The following TXLNB variants were observed in gnomAD, a reference collection of about 807,000 sequenced individuals.
The protein encoded by TXLNB is beta-taxilin.
TXLNB carries 37 observed loss-of-function variants against 57.4 expected under a neutral mutation model. The observed-to-expected ratio is 0.64, with a 90% confidence interval of 0.50 to 0.85. TXLNB has a LOEUF of 0.85. TXLNB is among the 40% of genes least tolerant of loss of function. TXLNB has a pLI of 0.00. For missense variants in TXLNB, 848 were observed against 825.6 expected (o/e 1.03, Z -0.33); for synonymous variants, 302 against 309.6 (o/e 0.98, Z 0.26).
chr6:139,288,956 G>T (rs1049079109), intron 1 of TXLNB, 43 bp from the exon 2 acceptor site: 5 of 1,411,562 alleles, frequency 3.5e-6, no homozygotes, highest in African/African-American at 2.8e-5. Flanking sequence ...TAACCTACTT[G>T]CTACATATCA....
At chr6:139,262,832 A>T (rs1397339213) in intron 4 of TXLNB, 59 bp from the exon 5 acceptor site, 1 of 1,554,850 alleles carries the variant, frequency 6.4e-7, no homozygotes, top group Non-Finnish European at 8.7e-7. Flanking sequence ...AGAACTCAGC[A>T]TTAGGTCACC....
chr6:139,256,574 C>T (rs1776346940), intron 6 of TXLNB, among the ~76,000 whole-genome samples: 5 of 152,226 alleles, frequency 3.3e-5, no homozygotes, highest in African/African-American at 7.2e-5. Context: ...GTGATCTGCC[C>T]GCCTCGGCCT....
At position 139,276,849 on chromosome 6, in the gene TXLNB, A is replaced by C; in HGVS notation, c.497T>G (p.Phe166Cys). The change falls in exon 3 of 10, where the codon TTC (phenylalanine) becomes TGC (cysteine). Residue 166 changes from phenylalanine to cysteine, a missense_variant. By Grantham distance (205) the Phe-to-Cys change is radical. Transcript: ENST00000358430. ...TCTTACCAATTCAGCATACTTCTTG[A>C]ATAAAAAATCAAACTTTTCTTCCGG... ...QTPEEKFDFL[F>C]KKYAELLDEH... 1 of 1,607,624 alleles carries C rather than the reference A, an allele frequency of 6.2e-7. No homozygotes were observed. Among genetic ancestry groups the C allele is most frequent in the Non-Finnish European group, 8.5e-7 (1 of 1,178,162 alleles).
At chr6:139,263,535 G>A (rs545946224) in intron 4 of TXLNB, among the ~76,000 whole-genome samples, 8 of 151,938 alleles carry the variant, frequency 5.3e-5, no homozygotes, top group Non-Finnish European at 5.9e-5. Flanking sequence ...TCCTTCTTCC[G>A]CTTTGTTAAC....
chr6:139,187,320 T>G, the TXLNB span, among the ~76,000 whole-genome samples: 1 of 152,202 alleles, frequency 6.6e-6, no homozygotes, highest in Non-Finnish European at 1.5e-5. Flanking sequence ...GTAAGAATGC[T>G]TCCTATTTGG....
At chr6:139,310,894 C>A in the TXLNB span, among the ~76,000 whole-genome samples, 12 of 152,094 alleles carry the variant, frequency 7.9e-5, no homozygotes, top group African/African-American at 2.9e-4. Context: ...AGGGTTTCAC[C>A]ATGTTGGCCA....
intron 3 of TXLNB, 61 bp from the exon 4 acceptor site, chr6:139,270,687 A>G: frequency 6.9e-7 from 1 of 1,447,796 alleles, no homozygotes; most frequent in Non-Finnish European, 9.5e-7. Context: ...GAGTGGATAG[A>G]AAAAAAGCAA....
the TXLNB span, among the ~76,000 whole-genome samples, chr6:139,171,877 G>C: frequency 9.9e-5 from 15 of 151,978 alleles, no homozygotes; most frequent in East Asian, 2.9e-3. Context: ...TGTTGCCCAG[G>C]CTGGAGTGCA....
chr6:139,162,145 G>A, the TXLNB span, among the ~76,000 whole-genome samples: 1 of 152,090 alleles, frequency 6.6e-6, no homozygotes, highest in Non-Finnish European at 1.5e-5. Flanking sequence ...CTCCTGAGTC[G>A]TCAGCTGGTG....
chr6:139,274,696 T>C (rs1328735736), intron 3 of TXLNB, among the ~76,000 whole-genome samples: 2 of 152,072 alleles, frequency 1.3e-5, no homozygotes, highest in African/African-American at 2.4e-5. Flanking sequence ...TCTGGAAAAG[T>C]GATGCTTCCC....
intron 3 of TXLNB, among the ~76,000 whole-genome samples, chr6:139,272,351 C>A (rs116249544): frequency 2.2e-4 from 33 of 152,190 alleles, no homozygotes; most frequent in African/African-American, 7.2e-4. Flanking sequence ...GTTGTTCTTT[C>A]TGAGCAAGAT....
In TXLNB at chr6:139,284,458, C is replaced by A. The variant is rs541697063; in HGVS notation, c.424+4018G>T. 1.3e-4 allele frequency among the ~76,000 whole-genome samples: 19 copies of A among 145,060 alleles called. 4 individuals carry two copies. In the South Asian group the frequency reaches 4.4e-3, roughly 34 times the overall value. ...CAGGAGAATCGCTTGAACTAGGGAG[C>A]TGGAGGTTGTAGTGAGCCGAAATCG... On this transcript the variant is annotated intron_variant, in intron 2 of 9. Transcript: ENST00000358430.
chr6:139,175,520 G>GCA, the TXLNB span, among the ~76,000 whole-genome samples: 9 of 152,194 alleles, frequency 5.9e-5, no homozygotes, highest in Admixed American at 5.2e-4. Context: ...GCTCCCCTCT[G>GCA]CACACACACA....
the TXLNB span, among the ~76,000 whole-genome samples, chr6:139,309,734 G>A: frequency 6.6e-6 from 1 of 152,154 alleles, no homozygotes; most frequent in East Asian, 1.9e-4. Context: ...AGACCAGCTT[G>A]GCAACATAGT....
the TXLNB span, among the ~76,000 whole-genome samples, chr6:139,172,538 T>C: frequency 2.0e-5 from 3 of 152,244 alleles, no homozygotes; most frequent in Non-Finnish European, 2.9e-5. Flanking sequence ...CTTATTGGGC[T>C]TCTTTACCAC....
At chr6:139,271,879 C>T (rs1269754072) in intron 3 of TXLNB, 4 of 152,232 alleles carry the variant, frequency 2.6e-5, no homozygotes, top group Non-Finnish European at 4.4e-5. Context: ...GTCCTAATAA[C>T]GACTTTGTTG....
At chr6:139,315,090 G>A in the TXLNB span, among the ~76,000 whole-genome samples, 1 of 152,160 alleles carries the variant, frequency 6.6e-6, no homozygotes, top group East Asian at 1.9e-4. Flanking sequence ...TGAACTCCAT[G>A]GATCAGCCGG....
At chr6:139,193,329 T>A in the TXLNB span, among the ~76,000 whole-genome samples, 1 of 147,648 alleles carries the variant, frequency 6.8e-6, no homozygotes, top group Admixed American at 7.0e-5. Context: ...GACTCCTAAA[T>A]TGATATATCT....
At position 139,242,930 on chromosome 6, in the gene TXLNB, CCCGTGAAGGGATCAGAGGGGG is replaced by C; in HGVS notation, c.1630_1650del (p.Pro544_Arg550del). ...AGGGGAGGCAGGGGACTCTCTGAAT[CCCGTGAAGGGATCAGAGGGGG>C]TTGCTCTGGCTCCTTGAGAGCGGCG... On this transcript the variant is annotated inframe_deletion, in exon 10 of 10. Coordinates refer to ENST00000358430, the MANE Select transcript of TXLNB (RefSeq NM_153235.4). 6.2e-7 allele frequency: 1 copy of C among 1,614,136 alleles called. No individual in the cohort carries two copies. The highest frequency in any genetic ancestry group is 1.1e-5 in the South Asian group (1 of 91,076).
Sources: allele counts gnomAD v4.1 joint callset (sites outside exome capture counted in the v4.1 genomes callset), GRCh38; gene constraint gnomAD v4.1.1; transcripts MANE v1.5; gene names NCBI Gene and HGNC (gene_info 2026-07-23, HGNC 2026-07-21).